CALB2: variants seen among roughly 807,000 people sequenced by gnomAD.
The protein encoded by CALB2 is calbindin 2.
In CALB2, 34 loss-of-function variants were observed where a neutral mutation model predicts 45.9. The ratio of observed to expected loss-of-function variants is 0.74; its 90% CI spans 0.56 to 0.99. CALB2 has a LOEUF of 0.99. Among genes scored for constraint, CALB2 ranks in the 50% least tolerant of loss-of-function variants. CALB2 has a pLI of 0.00. For missense variants in CALB2, 344 were observed against 339.3 expected (o/e 1.01, Z -0.11); for synonymous variants, 142 against 129.6 (o/e 1.10, Z -0.65).
chr16:71,371,135 G>T (rs1290245072), intron 1 of CALB2, among the ~76,000 whole-genome samples: 1 of 152,316 alleles, frequency 6.6e-6, no homozygotes, highest in East Asian at 1.9e-4. Flanking sequence ...CTTTGCAGAT[G>T]AGATGGGTTC....
At chr16:71,366,022 CTCTTTTTTTTTTTTTTTTT>C (rs1447127040) in intron 1 of CALB2, among the ~76,000 whole-genome samples, 4 of 50,552 alleles carry the variant, frequency 7.9e-5, no homozygotes, top group Non-Finnish European at 1.0e-4. Context: ...CCCTCTCTCT[CTCTTTTTTTTTTTTTTTTT>C]TTTGAGATGG....
intron 1 of CALB2, among the ~76,000 whole-genome samples, chr16:71,360,130 A>T (rs1001473190): frequency 1.3e-5 from 2 of 152,218 alleles, no homozygotes; most frequent in South Asian, 4.1e-4. Flanking sequence ...GATGGAAAAC[A>T]GAGGGGCATC....
chr16:71,382,117 G>C (rs76951776), intron 4 of CALB2, among the ~76,000 whole-genome samples: 13,062 of 78,698 alleles, frequency 0.17, 771 homozygotes, highest in Middle Eastern at 0.28. Flanking sequence ...AGGGAAGAAA[G>C]GAAGAAAAAG....
chr16:71,374,875 C>T (rs779129616), intron 3 of CALB2, 41 bp downstream of exon 3: 4 of 1,374,424 alleles, frequency 2.9e-6, no homozygotes, highest in Non-Finnish European at 4.1e-6. Flanking sequence ...GTGGGAGGGG[C>T]CCTGGGTCCC....
At chr16:71,389,426 T>C in intron 10 of CALB2, 1 of 488,400 alleles carries the variant, frequency 2.0e-6, no homozygotes, top group Non-Finnish European at 4.1e-6. Context: ...CTTGCTGATG[T>C]GGCTTATATT....
At chr16:71,389,028 T>A in intron 10 of CALB2, among the ~76,000 whole-genome samples, 1 of 136,130 alleles carries the variant, frequency 7.3e-6, no homozygotes, top group African/African-American at 2.8e-5. Flanking sequence ...GCAGACTTCC[T>A]TGCTTAAATA....
At position 71,377,802 on chromosome 16, in the gene CALB2, G is replaced by A. The variant is rs1027717636; in HGVS notation, c.342+55G>A. On this transcript the variant is annotated intron_variant, in intron 4 of 10. Transcript: ENST00000302628. The stretch of plus-strand genomic sequence containing the variant: ...GCACTGGGACCTGCCTTCCTCCTGT[G>A]TTCAGAGCCAGGCCCACCCTCCTGC... 5.3e-6 allele frequency: 7 copies of A among 1,332,982 alleles called. No individual in the cohort carries two copies. The African/African-American group carries it at 8.7e-5, about 16-fold the overall frequency. The allele number at this position is 1,332,982 out of a possible 1,614,324, so 82.6% of individuals were successfully genotyped here.
chr16:71,387,432 T>G (rs2042583237), intron 10 of CALB2, among the ~76,000 whole-genome samples: 1 of 151,218 alleles, frequency 6.6e-6, no homozygotes, highest in African/African-American at 2.4e-5. Context: ...TGACTCTAAA[T>G]CACAGCACCT....
At chr16:71,376,738 A>G (rs117269075) in intron 3 of CALB2, among the ~76,000 whole-genome samples, 1,909 of 151,140 alleles carry the variant, frequency 0.013, 29 homozygotes, top group Admixed American at 0.035. Flanking sequence ...TCCACATTCA[A>G]CCACACACAC....
intron 4 of CALB2, among the ~76,000 whole-genome samples, chr16:71,378,699 G>A (rs377025258): frequency 3.3e-5 from 5 of 152,306 alleles, no homozygotes; most frequent in South Asian, 4.1e-4. Context: ...GAAACACTGT[G>A]TACATGCATC....
chr16:71,363,706 C>T (rs147573346), intron 1 of CALB2, among the ~76,000 whole-genome samples: 158 of 152,272 alleles, frequency 1.0e-3, no homozygotes, highest in African/African-American at 3.8e-3. Context: ...CCTGCAATAC[C>T]AAAGTGAAAC....
At chr16:71,389,348 C>T (rs1033967373) in intron 10 of CALB2, among the ~76,000 whole-genome samples, 3 of 152,090 alleles carry the variant, frequency 2.0e-5, no homozygotes, top group Admixed American at 6.5e-5. Context: ...CCAGTGAGGT[C>T]GAGGAAATAT....
chr16:71,381,632 TC>T (rs1651476839), intron 4 of CALB2, among the ~76,000 whole-genome samples: 1 of 152,150 alleles, frequency 6.6e-6, no homozygotes, highest in African/African-American at 2.4e-5. Context: ...GGTTGCTGGC[TC>T]CCAGAAAATC....
chr16:71,363,124 G>T (rs1262901169), intron 1 of CALB2, among the ~76,000 whole-genome samples: 1 of 152,102 alleles, frequency 6.6e-6, no homozygotes, highest in Non-Finnish European at 1.5e-5. Flanking sequence ...GTCCAAGCCT[G>T]CAGTGAGCTA....
intron 1 of CALB2, among the ~76,000 whole-genome samples, chr16:71,370,162 C>A (rs749109919): frequency 6.6e-6 from 1 of 152,172 alleles, no homozygotes; most frequent in Non-Finnish European, 1.5e-5. Context: ...TCGTGCCATA[C>A]AATATTTATT....
At chr16:71,380,184 A>T (rs1305922500) in intron 4 of CALB2, among the ~76,000 whole-genome samples, 1 of 151,820 alleles carries the variant, frequency 6.6e-6, no homozygotes, top group Non-Finnish European at 1.5e-5. Flanking sequence ...CAGAGGAGCT[A>T]AAAGCATCTC....
Position 71,358,800 on chromosome 16 carries a change from G to A in CALB2, c.8G>A (p.Gly3Asp). 1 of 1,605,940 alleles carries A rather than the reference G, an allele frequency of 6.2e-7. No homozygotes were observed. The highest frequency in any genetic ancestry group is 8.5e-7 in the Non-Finnish European group (1 of 1,177,584). ...GTCTCCGAGCGGCTCGCCATGGCTG[G>A]CCCGCAGCAGCAGCCCCCTTACCTG... MA[G>D]PQQQPPYLHL... The change falls in exon 1 of 11, where the codon GGC becomes GAC. Residue 3 changes from glycine (G) to aspartate (D), a missense_variant. Around this residue, in one of 3 missense-constraint regions of CALB2, gnomAD observed 77 missense variants for 80.5 expected, o/e 0.96. Coordinates refer to ENST00000302628, the MANE Select transcript of CALB2 (RefSeq NM_001740.5).
Position 71,377,666 on chromosome 16 carries a change from G to T in CALB2, c.262-1G>T. The T allele has an allele frequency of 6.2e-7, 1 of 1,612,270 alleles. No individual in the cohort carries two copies. Among genetic ancestry groups the T allele is most frequent in the Non-Finnish European group, 8.5e-7 (1 of 1,178,504 alleles). On this transcript the variant is annotated splice_acceptor_variant, in intron 3 of 10. Coordinates refer to ENST00000302628, the MANE Select transcript of CALB2 (RefSeq NM_001740.5). LOFTEE classifies it high-confidence loss of function. ...TAGTGTCGCTCTCTGTATCTTCACAGCTGGCGCAGATCCTGCCAACCGAAG... is the reference window on the plus strand; with the variant it reads ...TAGTGTCGCTCTCTGTATCTTCACATCTGGCGCAGATCCTGCCAACCGAAG...
At chr16:71,374,213 C>G (rs531458612) in intron 2 of CALB2, among the ~76,000 whole-genome samples, 1 of 152,168 alleles carries the variant, frequency 6.6e-6, no homozygotes, top group East Asian at 1.9e-4. Context: ...AATTACCCTT[C>G]GGCTACATGA....
Sources: allele counts gnomAD v4.1 joint callset (sites outside exome capture counted in the v4.1 genomes callset), GRCh38; gene constraint gnomAD v4.1.1; regional missense constraint gnomAD v4.1.1; transcripts MANE v1.5; gene names NCBI Gene and HGNC (gene_info 2026-07-23, HGNC 2026-07-21).